Variants in NOVA1 observed in about 807,000 individuals in gnomAD.
NOVA1 encodes RNA-binding protein Nova-1.
In NOVA1, 7 loss-of-function variants were observed where a neutral mutation model predicts 38.0. The observed-to-expected ratio is 0.18, with a 90% CI of 0.10 to 0.35. The LOEUF (loss-of-function observed/expected upper bound fraction) is 0.35, where lower values mean the gene tolerates loss of function less well. Among genes scored for constraint, NOVA1 ranks in the 10% least tolerant of loss-of-function variants. NOVA1 has a pLI of 1.00. For synonymous variants in NOVA1, 270 were observed against 232.5 expected, an observed-to-expected ratio of 1.16 and a Z score of -1.47; for missense variants, 460 against 616.0, an observed-to-expected ratio of 0.75 and a Z score of 2.68.
At chr14:26,527,609 T>C (rs1371781131) in intron 2 of NOVA1, among the ~76,000 whole-genome samples, 1 of 152,194 alleles carries the variant, frequency 6.6e-6, no homozygotes, top group African/African-American at 2.4e-5. Flanking sequence ...AAGGGAACTC[T>C]GGAGCCTATA....
chr14:26,533,857 T>C (rs1889889851), intron 2 of NOVA1, among the ~76,000 whole-genome samples: 1 of 152,068 alleles, frequency 6.6e-6, no homozygotes, highest in South Asian at 2.1e-4. Context: ...GACAACTCTC[T>C]GAGAACAAGG....
At chr14:26,488,145 T>C (rs1886063105) in intron 2 of NOVA1, among the ~76,000 whole-genome samples, 1 of 152,170 alleles carries the variant, frequency 6.6e-6, no homozygotes, top group East Asian at 1.9e-4. Context: ...CAATTATCTC[T>C]CTACTTTTAA....
chr14:26,556,899 T>A (rs531748219), intron 2 of NOVA1, among the ~76,000 whole-genome samples: 1 of 152,260 alleles, frequency 6.6e-6, no homozygotes, highest in Non-Finnish European at 1.5e-5. Context: ...ATCAGGACTG[T>A]TATAACAAAG....
chr14:26,574,588 A>T (rs1259351280), intron 2 of NOVA1, among the ~76,000 whole-genome samples: 1 of 152,070 alleles, frequency 6.6e-6, no homozygotes, highest in Non-Finnish European at 1.5e-5. Context: ...GGCATAAATG[A>T]GTGGTTACTT....
At chr14:26,553,232 T>C (rs1891273054) in intron 2 of NOVA1, among the ~76,000 whole-genome samples, 1 of 152,160 alleles carries the variant, frequency 6.6e-6, no homozygotes, top group South Asian at 2.1e-4. Context: ...AACAAAGGCA[T>C]CTATCAAGTA....
chr14:26,568,703 A>G (rs1282630541), intron 2 of NOVA1, among the ~76,000 whole-genome samples: 2 of 152,156 alleles, frequency 1.3e-5, no homozygotes, highest in Non-Finnish European at 2.9e-5. Flanking sequence ...TTTACCTTGA[A>G]GTCTTTTGAT....
chr14:26,506,224 T>C (rs1887629889), intron 2 of NOVA1, among the ~76,000 whole-genome samples: 1 of 152,244 alleles, frequency 6.6e-6, no homozygotes, highest in African/African-American at 2.4e-5. Context: ...AACTATTCTT[T>C]CTTTAGCTAC....
chr14:26,502,079 C>T (rs902999275), intron 2 of NOVA1, among the ~76,000 whole-genome samples: 2 of 151,696 alleles, frequency 1.3e-5, no homozygotes, highest in Non-Finnish European at 3.0e-5. Context: ...TCTTAAATAC[C>T]GCAGATAAAA....
intron 1 of NOVA1, 52 bp from the exon 2 acceptor site, chr14:26,595,605 A>G (rs1275760428): frequency 6.5e-7 from 1 of 1,539,008 alleles, no homozygotes; most frequent in Non-Finnish European, 8.9e-7. Flanking sequence ...CAAACTTTGT[A>G]TCCCCTCTCC....
intron 4 of NOVA1, among the ~76,000 whole-genome samples, chr14:26,456,089 T>C (rs1312330416): frequency 6.6e-6 from 1 of 152,028 alleles, no homozygotes; most frequent in African/African-American, 2.4e-5. Flanking sequence ...GTAAGACATA[T>C]GTTCAGAGTT....
intron 2 of NOVA1, among the ~76,000 whole-genome samples, chr14:26,576,079 T>C (rs1759062662): frequency 6.6e-6 from 1 of 151,708 alleles, no homozygotes; most frequent in African/African-American, 2.4e-5. Context: ...CCTTAAGGTA[T>C]AATCCTCAAA....
intron 2 of NOVA1, among the ~76,000 whole-genome samples, chr14:26,526,384 T>G (rs144077851): frequency 6.6e-6 from 1 of 152,134 alleles, no homozygotes; most frequent in East Asian, 1.9e-4. Flanking sequence ...CTGATGTTGC[T>G]TGGAAACCTG....
intron 2 of NOVA1, among the ~76,000 whole-genome samples, chr14:26,595,148 T>A (rs1422437520): frequency 6.6e-6 from 1 of 152,148 alleles, no homozygotes; most frequent in African/African-American, 2.4e-5. Flanking sequence ...TTGAGTTTTT[T>A]TGCTAATAAG....
intron 2 of NOVA1, among the ~76,000 whole-genome samples, chr14:26,489,810 T>C (rs1594388612): frequency 6.6e-6 from 1 of 152,088 alleles, no homozygotes; most frequent in African/African-American, 2.4e-5. Flanking sequence ...CACTCCAGCC[T>C]GGGCAACAGA....
chr14:26,485,164 A>G (rs1301631711), intron 2 of NOVA1, among the ~76,000 whole-genome samples: 1 of 152,158 alleles, frequency 6.6e-6, no homozygotes, highest in Non-Finnish European at 1.5e-5. Flanking sequence ...AGTGCCCAGA[A>G]GAGTGCCTGG....
chr14:26,597,698 C>A lies in NOVA1; in HGVS notation c.-262G>T. Reference sequence around the variant, plus strand: ...AGGGGAATGGAGGGGGTGTGAGAGACGGAGGGTGAAAGAAGAAGAAGAAAG... The same window carrying A: ...AGGGGAATGGAGGGGGTGTGAGAGAAGGAGGGTGAAAGAAGAAGAAGAAAG... On this transcript the variant is annotated 5_prime_UTR_variant, in exon 1 of 5. Coordinates refer to ENST00000539517, the MANE Select transcript of NOVA1 (RefSeq NM_002515.3). 1 of 1,139,022 alleles carries A rather than the reference C, an allele frequency of 8.8e-7. No homozygotes were observed. The highest frequency in any genetic ancestry group is 1.1e-6 in the Non-Finnish European group (1 of 934,310). 70.6% of individuals were successfully genotyped at this position (1,139,022 alleles called of 1,614,324 possible).
chr14:26,510,053 T>C (rs866996532), intron 2 of NOVA1, among the ~76,000 whole-genome samples: 27 of 152,100 alleles, frequency 1.8e-4, no homozygotes, highest in African/African-American at 6.3e-4. Context: ...TGAGAAAACA[T>C]GTACCAATAG....
chr14:26,540,908 C>A (rs1192010333), intron 2 of NOVA1, among the ~76,000 whole-genome samples: 3 of 152,122 alleles, frequency 2.0e-5, no homozygotes, highest in African/African-American at 7.2e-5. Flanking sequence ...AACTAGTACA[C>A]AAACCTATTT....
At chr14:26,588,297 A>G (rs1893651656) in intron 2 of NOVA1, 1 of 151,468 alleles carries the variant, frequency 6.6e-6, no homozygotes, top group African/African-American at 2.4e-5. Context: ...AGGTCTTGAA[A>G]TAAAAAAGAA....
Sources: gnomAD v4.1 joint callset for allele counts (sites outside exome capture counted in the v4.1 genomes callset) on GRCh38, gnomAD v4.1.1 for gene constraint, MANE v1.5 for transcripts, NCBI Gene and HGNC (gene_info 2026-07-23, HGNC 2026-07-21) for gene names.